The following RYR1 variants were observed in gnomAD, a reference collection of about 807,000 sequenced individuals.
The protein encoded by RYR1 is central core disease of muscle.
A neutral mutation model predicts 583.5 loss-of-function variants in RYR1; 342 were observed. The observed-to-expected ratio is 0.59, with a 90% confidence interval of 0.54 to 0.64. RYR1 has a LOEUF of 0.64. RYR1 is among the 30% of genes least tolerant of loss of function. RYR1 has a pLI of 0.00. For synonymous variants in RYR1, 2,791 were observed against 2,822.5 expected (o/e 0.99, Z 0.35); for missense variants, 6,032 against 6,917.2 (o/e 0.87, Z 4.54).
chr19:38,494,409 T>A lies in RYR1; in HGVS notation c.6332T>A (p.Val2111Glu). The change falls in exon 39 of 106, where the codon GTG becomes GAG. Residue 2111 changes from valine to glutamate, a missense_variant. Physicochemically the swap from Val to Glu is moderately radical, Grantham distance 121. Around this residue, in one of 11 missense-constraint regions of RYR1, gnomAD observed 2,627 missense variants for 2,961.3 expected, o/e 0.89. Transcript: ENST00000359596. ...MVVRWAQEDF[V>E]QSPELVRAMF... Reference sequence around the variant, plus strand: ...GTGCGCTGGGCCCAAGAGGACTTCGTGCAGAGCCCCGAGCTGGTGCGGGCC... The same window carrying A: ...GTGCGCTGGGCCCAAGAGGACTTCGAGCAGAGCCCCGAGCTGGTGCGGGCC... 1 of 1,612,060 alleles carries A rather than the reference T, an allele frequency of 6.2e-7. No individual in the cohort carries two copies. Among genetic ancestry groups the A allele is most frequent in the Non-Finnish European group, 8.5e-7 (1 of 1,180,012 alleles).
Position 38,527,522 on chromosome 19 carries a change from TGAA to T in RYR1, c.10687-115_10687-113del, listed in dbSNP as rs879116524. 237 of 1,284,058 alleles carry T rather than the reference TGAA, an allele frequency of 1.8e-4. No homozygotes were observed. The South Asian group carries it at 2.4e-3, about 13-fold the overall frequency. The allele number at this position is 1,284,058 out of a possible 1,614,324, so 79.5% of individuals were successfully genotyped here. A position where few individuals can be genotyped will look rare whatever the true frequency, so the allele number is the denominator to read the frequency against. Reference sequence around the variant, plus strand: ...GAGGCTCCGTCTCAAAACAAAAAGATGAAGAAGAAGAAAGGCCTCAACATGCAC... The same window carrying T: ...GAGGCTCCGTCTCAAAACAAAAAGATGAAGAAGAAAGGCCTCAACATGCAC... On this transcript the variant is annotated intron_variant, in intron 72 of 105. Coordinates refer to ENST00000359596, the MANE Select transcript of RYR1 (RefSeq NM_000540.3).
chr19:38,463,319 G>A, intron 20 of RYR1, 104 bp from the exon 21 acceptor site: 1 of 911,784 alleles, frequency 1.1e-6, no homozygotes, highest in African/African-American at 1.6e-5. Flanking sequence ...GAAAGGGGGT[G>A]CTGGAGGAGC....
chr19:38,554,897 T>C (rs2145811046), intron 89 of RYR1, among the ~76,000 whole-genome samples: 1 of 152,314 alleles, frequency 6.6e-6, no homozygotes, highest in South Asian at 2.1e-4. Context: ...TTAAAGTGTC[T>C]TTACTGAAAT....
At chr19:38,484,410 T>TCCCCTCTCCCTCCCTCCCTC in intron 33 of RYR1, among the ~76,000 whole-genome samples, 1 of 148,638 alleles carries the variant, frequency 6.7e-6, no homozygotes, top group African/African-American at 2.6e-5. Context: ...TTCCCTTCCT[T>TCCCCTCTCCCTCCCTCCCTC]CCTTCCTTCC....
Position 38,520,090 on chromosome 19 carries a change from T to TTTC in RYR1, c.10259+636_10259+637insTTC, listed in dbSNP as rs1306430754. On this transcript the variant is annotated intron_variant, in intron 67 of 105. Transcript: ENST00000359596. ...AGTTTGCTTTTTTTTTTTTTTTTTT[T>TTTC]ATTGAGACAGGGTCTCTCTCTGTTG... 1.4e-3 allele frequency among the ~76,000 whole-genome samples: 210 copies of TTTC among 149,554 alleles called. 2 individuals are homozygous for TTTC. The Middle Eastern group carries it at 0.014, about 10-fold the overall frequency.
intron 27 of RYR1, among the ~76,000 whole-genome samples, chr19:38,472,359 C>G (rs1037023693): frequency 6.6e-5 from 10 of 152,104 alleles, no homozygotes; most frequent in Non-Finnish European, 1.0e-4. Flanking sequence ...CCTCAGCCTC[C>G]CAAAGTGCTG....
At position 38,528,085 on chromosome 19, in the gene RYR1, T is replaced by G. The variant is rs1007040950; in HGVS notation, c.10825-221T>G. 4.7e-6 allele frequency: 3 copies of G among 633,604 alleles called. No homozygotes were observed. In the African/African-American group the frequency reaches 5.5e-5, roughly 12 times the overall value. The allele number at this position is 633,604 out of a possible 1,614,324, so 39.2% of individuals were successfully genotyped here. A position where few individuals can be genotyped will look rare whatever the true frequency, so the allele number is the denominator to read the frequency against. On this transcript the variant is annotated intron_variant, in intron 73 of 105. Coordinates refer to ENST00000359596, the MANE Select transcript of RYR1 (RefSeq NM_000540.3). Reference sequence around the variant, plus strand: ...GTGGGTCGTAGAATTGGTCGTGGCCTGGCTCGTGGTCCTGGCTCTGTGGGA... The same window carrying G: ...GTGGGTCGTAGAATTGGTCGTGGCCGGGCTCGTGGTCCTGGCTCTGTGGGA...
chr19:38,575,999 C>G, intron 97 of RYR1, 38 bp downstream of exon 97: 1 of 1,612,474 alleles, frequency 6.2e-7, no homozygotes, highest in Non-Finnish European at 8.5e-7. Flanking sequence ...TGGATTGGGT[C>G]CCTGCCTGCC....
At position 38,507,778 on chromosome 19, in the gene RYR1, G is replaced by A. The variant is rs1600856689; in HGVS notation, c.8883G>A (p.Gln2961=). The change falls in exon 58 of 106, where the codon CAG becomes CAA. Residue 2961 remains glutamine (Q), a synonymous_variant. Transcript: ENST00000359596. The part of the protein sequence containing the change: ...IEKRFAFGFL[Q]QLLRWMDISQ... ...AGCGGTTTGCCTTTGGCTTCCTGCA[G>A]CAGCTGCTGCGCTGGATGGACATTT... 2.5e-6 allele frequency: 4 copies of A among 1,613,980 alleles called. No individual in the cohort carries two copies. The highest frequency in any genetic ancestry group is 3.4e-6 in the Non-Finnish European group (4 of 1,179,900).
Position 38,565,602 on chromosome 19 carries a change from A to AG in RYR1, c.13270dup (p.Glu4424GlyfsTer159). On this transcript the variant is annotated frameshift_variant, in exon 91 of 106. Transcript: ENST00000359596. LOFTEE classifies it high-confidence loss of function. The surrounding 1 kb of genome is among the most constrained non-coding windows in gnomAD (Gnocchi z 4.7). ...GCCGCGGAGGGCGCTGGAGACGAGG[A>AG]GGAGGCGGTGCACGAGGCCGGGCCG... 1 of 1,450,048 alleles carries AG rather than the reference A, an allele frequency of 6.9e-7. No homozygotes were observed. Among genetic ancestry groups the AG allele is most frequent in the Non-Finnish European group, 9.0e-7 (1 of 1,108,986 alleles). The allele number at this position is 1,450,048 out of a possible 1,614,324, so 89.8% of individuals were successfully genotyped here.
In RYR1 at chr19:38,523,210, C is replaced by T. The variant is rs749534989; in HGVS notation, c.10348-7C>T. ...TGTCCGGTCTGCAACACTGCTTCCC[C>T]CACCAGAACTTCAAGCGCGAGGAGC... On this transcript the variant is annotated splice_polypyrimidine_tract_variant and splice_region_variant and intron_variant, in intron 68 of 105. Transcript: ENST00000359596. 1.2e-6 allele frequency: 2 copies of T among 1,614,240 alleles called. No individual in the cohort carries two copies. The highest frequency in any genetic ancestry group is 1.7e-6 in the Non-Finnish European group (2 of 1,180,046).
intron 93 of RYR1, 131 bp from the exon 94 acceptor site, chr19:38,570,476 T>G (rs1418879677): frequency 1.1e-5 from 5 of 464,356 alleles, no homozygotes; most frequent in African/African-American, 1.0e-4. Flanking sequence ...TAATAATTAA[T>G]AAATAAATAG....
In RYR1 at chr19:38,512,589, T is replaced by G; in HGVS notation, c.9472+106T>G. 9.0e-7 allele frequency: 1 copy of G among 1,108,822 alleles called. No individual in the cohort carries two copies. Among genetic ancestry groups the G allele is most frequent in the East Asian group, 2.4e-5 (1 of 42,470 alleles). The allele number at this position is 1,108,822 out of a possible 1,614,324, so 68.7% of individuals were successfully genotyped here. ...TGGGTGTTTGAATGTGTGGATTTCT[T>G]GCTGTAAGCAAAGCATGCAGTCAGT... On this transcript the variant is annotated intron_variant, in intron 63 of 105. Coordinates refer to ENST00000359596, the MANE Select transcript of RYR1 (RefSeq NM_000540.3). This position sits in a 1 kb window ranked among gnomAD's most constrained non-coding sequence, Gnocchi z 5.1.
intron 54 of RYR1, 41 bp from the exon 55 acceptor site, chr19:38,506,262 A>G: frequency 6.3e-7 from 1 of 1,597,718 alleles, no homozygotes; most frequent in Non-Finnish European, 8.6e-7. Context: ...GCTTCCTGCT[A>G]GCCCATCAGC....
At chr19:38,505,657 GCT>G (rs1970410630) in intron 53 of RYR1, 147 bp from the exon 54 acceptor site, 1 of 992,338 alleles carries the variant, frequency 1.0e-6, no homozygotes, top group South Asian at 1.5e-5. Flanking sequence ...GGTTTGGGAG[GCT>G]CTGTTACAGA....
intron 1 of RYR1, among the ~76,000 whole-genome samples, chr19:38,437,211 C>T (rs955944639): frequency 4.6e-5 from 7 of 151,836 alleles, no homozygotes; most frequent in African/African-American, 1.5e-4. Context: ...CCACTACGCC[C>T]GGCTAATTTT....
rs1972822847 is a variant in RYR1 at position 38,444,066 on chromosome 19, G to T, written c.425-83G>T. 2 of 1,201,668 alleles carry T rather than the reference G, an allele frequency of 1.7e-6. No homozygotes were observed. The highest frequency in any genetic ancestry group is 1.5e-5 in the African/African-American group (1 of 66,844). The allele number at this position is 1,201,668 out of a possible 1,614,324, so 74.4% of individuals were successfully genotyped here. Reference sequence around the variant, plus strand: ...GAGTTGTGGGCCAAGGGCCCGGGAGGCCTGGTGGAGGGAGAGCCCTGGGGA... The same window carrying T: ...GAGTTGTGGGCCAAGGGCCCGGGAGTCCTGGTGGAGGGAGAGCCCTGGGGA... On this transcript the variant is annotated intron_variant, in intron 5 of 105. Transcript: ENST00000359596. The surrounding 1 kb of genome is among the most constrained non-coding windows in gnomAD (Gnocchi z 5.1).
intron 21 of RYR1, 68 bp from the exon 22 acceptor site, chr19:38,463,679 A>C: frequency 6.6e-7 from 1 of 1,523,220 alleles, no homozygotes. Flanking sequence ...GTCAGGGGTC[A>C]TAGTCTGGGC....
In RYR1 at chr19:38,580,631, G is replaced by T. The variant is rs1038302835; in HGVS notation, c.14646+127G>T. The T allele has an allele frequency of 9.2e-6, 11 of 1,190,452 alleles. No homozygotes were observed. In the Admixed American group the frequency reaches 2.0e-4, roughly 21 times the overall value. The allele number at this position is 1,190,452 out of a possible 1,614,324, so 73.7% of individuals were successfully genotyped here. On this transcript the variant is annotated intron_variant, in intron 101 of 105. Transcript: ENST00000359596. ...TCCCAGTGCGTCGGGAGGCCGAGGC[G>T]GGACGATTACTTGAGTCCAGGAGTT...
Sources: gnomAD v4.1 joint callset for allele counts (sites outside exome capture counted in the v4.1 genomes callset) on GRCh38, gnomAD v4.1.1 for gene constraint, gnomAD v4.1.1 regional missense constraint, Gnocchi (gnomAD v3.1) non-coding constraint, MANE v1.5 for transcripts, NCBI Gene and HGNC (gene_info 2026-07-23, HGNC 2026-07-21) for gene names.